Variants in CFI observed in about 807,000 individuals in gnomAD.
CFI encodes C3B/C4B inactivator.
CFI carries 66 observed loss-of-function variants against 78.8 expected under a neutral mutation model. That is an observed-to-expected ratio of 0.84 (90% CI 0.69 to 1.03). The LOEUF (loss-of-function observed/expected upper bound fraction) is 1.03, where lower values mean the gene tolerates loss of function less well. Ranked by LOEUF, CFI falls within the 50% of genes least tolerant of loss-of-function variation. The pLI is 0.00. For synonymous variants in CFI, 250 were observed against 232.6 expected (o/e 1.07, Z -0.68); for missense variants, 706 against 704.5 (o/e 1.00, Z -0.02).
At chr4:109,781,099 A>T (rs940484198) in intron 1 of CFI, among the ~76,000 whole-genome samples, 1 of 152,328 alleles carries the variant, frequency 6.6e-6, no homozygotes, top group African/African-American at 2.4e-5. Context: ...ATACATATGT[A>T]ACAAAACTGC....
intron 11 of CFI, among the ~76,000 whole-genome samples, chr4:109,743,067 G>C (rs530052355): frequency 3.3e-5 from 5 of 152,178 alleles, no homozygotes; most frequent in African/African-American, 9.7e-5. Flanking sequence ...GTGTGTCTGA[G>C]AAGAAAAATC....
At chr4:109,777,691 A>G (rs140127002) in intron 1 of CFI, among the ~76,000 whole-genome samples, 2,582 of 152,302 alleles carry the variant, frequency 0.017, 78 homozygotes, top group East Asian at 0.13. Context: ...TCTTCTCAGC[A>G]CCACATCACA....
intron 1 of CFI, among the ~76,000 whole-genome samples, chr4:109,769,245 CTT>C (rs2126229294): frequency 6.6e-6 from 1 of 152,262 alleles, no homozygotes; most frequent in African/African-American, 2.4e-5. Flanking sequence ...AGTGTCATAA[CTT>C]TCTCAGTCAC....
intron 5 of CFI, 34 bp from the exon 6 acceptor site, chr4:109,760,414 T>A: frequency 6.4e-7 from 1 of 1,563,704 alleles, no homozygotes. Flanking sequence ...GTTTTTTTCA[T>A]TCCTTAAAGT....
chr4:109,786,502 T>G (rs1345628449), intron 1 of CFI, among the ~76,000 whole-genome samples: 1 of 152,126 alleles, frequency 6.6e-6, no homozygotes, highest in Non-Finnish European at 1.5e-5. Context: ...ACCCAGTATA[T>G]AGCTATATGC....
rs575370145 is a variant in CFI, at chr4:109,756,828, C to T, written c.904+935G>A. ...GAGCCGAGATCAGGCCACTGCACTC[C>T]AGCCTGGGCTACAAGACCGAGTACA... On this transcript the variant is annotated intron_variant, in intron 7 of 12. Transcript: ENST00000394634. 2.1e-4 allele frequency among the ~76,000 whole-genome samples: 31 copies of T among 150,026 alleles called. No individual in the cohort carries two copies. In the Middle Eastern group the frequency reaches 0.021, roughly 101 times the overall value.
intron 1 of CFI, chr4:109,793,690 G>A (rs887719682): frequency 1.3e-5 from 2 of 152,224 alleles, no homozygotes; most frequent in African/African-American, 4.8e-5. Flanking sequence ...ACTACACCTA[G>A]CTAATTTTAT....
chr4:109,756,925 GAAAGAAAGAAAGA>G (rs1726304962), intron 7 of CFI, among the ~76,000 whole-genome samples: 1 of 142,104 alleles, frequency 7.0e-6, no homozygotes, highest in African/African-American at 2.6e-5. Flanking sequence ...AAGAAAGAAA[GAAAGAAAGAAAGA>G]AAGAAAGAAA....
chr4:109,785,953 C>T (rs1730682994), intron 1 of CFI, among the ~76,000 whole-genome samples: 1 of 151,946 alleles, frequency 6.6e-6, no homozygotes. Context: ...TCAATTAAAC[C>T]TCTTTCCTTT....
Position 109,791,106 on chromosome 4 carries a change from A to G in CFI, c.57+10809T>C, listed in dbSNP as rs979899494. ...CCTTTTTCTCCACAACCTCGACAGCATGTTATTTTTTTGGACTTTTTAATA... is the reference window on the plus strand; with the variant it reads ...CCTTTTTCTCCACAACCTCGACAGCGTGTTATTTTTTTGGACTTTTTAATA... On this transcript the variant is annotated intron_variant, in intron 1 of 12. Coordinates refer to ENST00000394634, the MANE Select transcript of CFI (RefSeq NM_000204.5). Among the ~76,000 whole-genome samples, 3 of 152,092 alleles carry G rather than the reference A, an allele frequency of 2.0e-5. No individual in the cohort carries two copies. The South Asian group carries it at 6.2e-4, about 32-fold the overall frequency.
intron 1 of CFI, among the ~76,000 whole-genome samples, chr4:109,789,676 A>G (rs1414827919): frequency 1.3e-5 from 2 of 152,116 alleles, no homozygotes; most frequent in African/African-American, 4.8e-5. Context: ...AAGGAAAATT[A>G]TCACAGAGGG....
chr4:109,793,417 T>C (rs1049416721), intron 1 of CFI: 1 of 152,288 alleles, frequency 6.6e-6, no homozygotes, highest in Non-Finnish European at 1.5e-5. Context: ...TATTTACCTA[T>C]GTAGTTACCT....
intron 7 of CFI, among the ~76,000 whole-genome samples, chr4:109,755,920 G>A (rs1362870735): frequency 6.6e-6 from 1 of 152,110 alleles, no homozygotes; most frequent in Non-Finnish European, 1.5e-5. Flanking sequence ...AAACACAGTG[G>A]AGTATTTTAT....
At chr4:109,766,463 C>A in intron 2 of CFI, 91 bp downstream of exon 2, 4 of 1,478,380 alleles carry the variant, frequency 2.7e-6, no homozygotes, top group South Asian at 1.1e-5. Context: ...GTCATCATAA[C>A]ATACACAAGA....
At chr4:109,745,233 A>G (rs760044866) in intron 11 of CFI, among the ~76,000 whole-genome samples, 4 of 152,132 alleles carry the variant, frequency 2.6e-5, no homozygotes, top group Non-Finnish European at 5.9e-5. Context: ...CTCAGGCTAG[A>G]CTGCAGTAGC....
At chr4:109,770,633 G>GAAAAAAAAAAAA (rs370657391) in intron 1 of CFI, among the ~76,000 whole-genome samples, 1 of 78,298 alleles carries the variant, frequency 1.3e-5, no homozygotes. Flanking sequence ...ACACAGACCA[G>GAAAAAAAAAAAA]AAAAAAAAAA....
chr4:109,753,497 TA>T (rs1404166307), intron 7 of CFI, among the ~76,000 whole-genome samples: 3 of 58,716 alleles, frequency 5.1e-5, no homozygotes, highest in African/African-American at 1.3e-4. Context: ...TAAATATTTA[TA>T]ATATATTTAT....
intron 4 of CFI, among the ~76,000 whole-genome samples, 161 bp downstream of exon 4, chr4:109,761,356 G>C (rs1207853254): frequency 6.6e-6 from 1 of 152,074 alleles, no homozygotes; most frequent in Non-Finnish European, 1.5e-5. Context: ...GTACAATAGG[G>C]GAAAGGTACC....
chr4:109,775,477 G>A (rs985949597), intron 1 of CFI, among the ~76,000 whole-genome samples: 23 of 152,358 alleles, frequency 1.5e-4, no homozygotes, highest in African/African-American at 5.3e-4. Context: ...GCTGAGGCTT[G>A]AGTAGGTAAA....
Sources: allele counts gnomAD v4.1 joint callset (sites outside exome capture counted in the v4.1 genomes callset), GRCh38; gene constraint gnomAD v4.1.1; transcripts MANE v1.5; gene names NCBI Gene and HGNC (gene_info 2026-07-23, HGNC 2026-07-21).